The following RGS6 variants were observed in gnomAD, a reference collection of about 807,000 sequenced individuals.
The protein encoded by RGS6 is regulator of G protein signaling 6, also known as regulator of G-protein signaling 6.
A neutral mutation model predicts 78.5 loss-of-function variants in RGS6; 30 were observed. That is an observed-to-expected ratio of 0.38 (90% CI 0.29 to 0.52). The LOEUF is 0.52. Among genes scored for constraint, RGS6 ranks in the 20% least tolerant of loss-of-function variants. The probability of loss-of-function intolerance (pLI) is 0.85; values close to 1 mark genes in which losing one functional copy is unlikely to be tolerated. For missense variants in RGS6, 495 were observed against 609.7 expected (o/e 0.81, Z 1.98); for synonymous variants, 206 against 206.0 (o/e 1.00, Z 0.00).
At chr14:72,152,243 AGAGT>A (rs1555510281) in intron 2 of RGS6, among the ~76,000 whole-genome samples, 16,483 of 124,296 alleles carry the variant, frequency 0.13, 849 homozygotes, top group Admixed American at 0.19. Context: ...AGAGAGAGAG[AGAGT>A]GTGTGTGTGT....
chr14:71,907,926 A>G, the RGS6 span, among the ~76,000 whole-genome samples: 1 of 152,192 alleles, frequency 6.6e-6, no homozygotes, highest in Non-Finnish European at 1.5e-5. Flanking sequence ...GCTAAATCAC[A>G]TTTATCTGAA....
intron 2 of RGS6, among the ~76,000 whole-genome samples, chr14:72,308,933 G>C (rs567281141): frequency 6.6e-6 from 1 of 152,040 alleles, no homozygotes; most frequent in Non-Finnish European, 1.5e-5. Flanking sequence ...TTCACTTTAG[G>C]ATCTTTTTCT....
chr14:72,517,290 G>A (rs1016491723), intron 14 of RGS6, among the ~76,000 whole-genome samples: 7 of 152,070 alleles, frequency 4.6e-5, no homozygotes, highest in African/African-American at 7.2e-5. Context: ...CGCTGCTCTC[G>A]GAACCAGCAC....
At chr14:72,054,317 C>T (rs548398850) in intron 2 of RGS6, among the ~76,000 whole-genome samples, 106 of 152,232 alleles carry the variant, frequency 7.0e-4, no homozygotes, top group Admixed American at 1.1e-3. Context: ...GCTCAATTAA[C>T]TATACCAGAG....
chr14:72,092,638 C>T (rs140524995), intron 2 of RGS6, among the ~76,000 whole-genome samples: 6,087 of 152,216 alleles, frequency 0.04, 166 homozygotes, highest in East Asian at 0.08. Context: ...TGCCTCAGCC[C>T]CCCAAATTGC....
intron 2 of RGS6, among the ~76,000 whole-genome samples, chr14:72,077,596 G>T (rs969703487): frequency 6.6e-6 from 1 of 151,980 alleles, no homozygotes; most frequent in East Asian, 1.9e-4. Context: ...GTTCTATTTT[G>T]AAGCCCTTTA....
In RGS6 at chr14:72,283,334, T is replaced by C. The variant is rs184803870; in HGVS notation, c.85-68761T>C. 2.2e-4 allele frequency among the ~76,000 whole-genome samples: 34 copies of C among 152,214 alleles called. 1 individual carries two copies. The East Asian group carries it at 6.6e-3, about 29-fold the overall frequency. On this transcript the variant is annotated intron_variant, in intron 2 of 17. Transcript: ENST00000553525. ...TCATATGATAGTGCTATTTTTAATG[T>C]TTTTAGGAATCTCTGAGATGGTTTG... is the stretch of plus-strand genomic sequence containing the variant.
chr14:72,503,475 A>G (rs2096755624), intron 13 of RGS6, among the ~76,000 whole-genome samples: 1 of 152,210 alleles, frequency 6.6e-6, no homozygotes, highest in Admixed American at 6.5e-5. Context: ...ATCCTGAGGC[A>G]AATTCTTCTC....
At chr14:72,295,029 C>G (rs935592822) in intron 2 of RGS6, among the ~76,000 whole-genome samples, 1 of 152,136 alleles carries the variant, frequency 6.6e-6, no homozygotes, top group South Asian at 2.1e-4. Context: ...CGGTGGCTCA[C>G]GCCTGTAATC....
At chr14:72,321,036 T>C (rs977621946) in intron 2 of RGS6, among the ~76,000 whole-genome samples, 7 of 151,256 alleles carry the variant, frequency 4.6e-5, no homozygotes, top group Non-Finnish European at 1.0e-4. Flanking sequence ...ATGTTTAATA[T>C]GTAAACATAT....
intron 2 of RGS6, among the ~76,000 whole-genome samples, chr14:72,289,793 A>T (rs564867034): frequency 6.6e-6 from 1 of 152,362 alleles, no homozygotes; most frequent in African/African-American, 2.4e-5. Context: ...TAAATAGAGT[A>T]CATTATCTCA....
intron 2 of RGS6, among the ~76,000 whole-genome samples, chr14:72,142,558 G>A (rs964045855): frequency 2.1e-4 from 32 of 152,170 alleles, no homozygotes; most frequent in Non-Finnish European, 4.4e-5. Context: ...AGTGCATCAA[G>A]GGCAGTGGCC....
At chr14:72,283,665 C>A (rs567895483) in intron 2 of RGS6, among the ~76,000 whole-genome samples, 1 of 152,154 alleles carries the variant, frequency 6.6e-6, no homozygotes, top group Non-Finnish European at 1.5e-5. Context: ...TTATAAATTA[C>A]CCAGTCTCAG....
chr14:72,042,980 T>C (rs2092550064), intron 2 of RGS6, among the ~76,000 whole-genome samples: 1 of 152,182 alleles, frequency 6.6e-6, no homozygotes, highest in Non-Finnish European at 1.5e-5. Flanking sequence ...ATGAATACTA[T>C]CTTTTAAAAA....
intron 2 of RGS6, among the ~76,000 whole-genome samples, chr14:72,054,823 C>A (rs77526645): frequency 0.14 from 20,909 of 152,076 alleles, 1,667 homozygotes; most frequent in Non-Finnish European, 0.18. Flanking sequence ...TTAAGCAATA[C>A]ATTGTTTCAT....
chr14:72,124,344 G>T (rs183088145), intron 2 of RGS6, among the ~76,000 whole-genome samples: 2 of 152,252 alleles, frequency 1.3e-5, no homozygotes, highest in East Asian at 3.9e-4. Flanking sequence ...ACCACTACAG[G>T]CAAAGATAGG....
chr14:72,214,177 A>ATTT (rs35022655), intron 2 of RGS6, among the ~76,000 whole-genome samples: 1 of 131,252 alleles, frequency 7.6e-6, no homozygotes, highest in Admixed American at 7.7e-5. Context: ...TTATTTTCTT[A>ATTT]TTTTTTTTTT....
intron 2 of RGS6, among the ~76,000 whole-genome samples, chr14:71,979,970 G>A (rs1020895561): frequency 3.6e-5 from 5 of 138,130 alleles, no homozygotes; most frequent in Non-Finnish European, 7.8e-5. Context: ...ATATATTTAG[G>A]ATAGTTAGCT....
At chr14:72,360,895 C>G (rs2081317244) in intron 3 of RGS6, among the ~76,000 whole-genome samples, 1 of 152,060 alleles carries the variant, frequency 6.6e-6, no homozygotes, top group Admixed American at 6.6e-5. Flanking sequence ...GTGGTTTCCT[C>G]CATGCTATTC....
Sources: gnomAD v4.1 joint callset for allele counts (sites outside exome capture counted in the v4.1 genomes callset) on GRCh38, gnomAD v4.1.1 for gene constraint, MANE v1.5 for transcripts, NCBI Gene and HGNC (gene_info 2026-07-23, HGNC 2026-07-21) for gene names.